ANKRD17: variants seen among roughly 807,000 people sequenced by gnomAD.
The protein encoded by ANKRD17 is ankyrin repeat domain-containing protein 17.
ANKRD17 carries 19 observed loss-of-function variants against 229.7 expected under a neutral mutation model. The ratio of observed to expected loss-of-function variants is 0.08; its 90% CI spans 0.06 to 0.12. The LOEUF (loss-of-function observed/expected upper bound fraction) is 0.12, where lower values mean the gene tolerates loss of function less well. Among genes scored for constraint, ANKRD17 ranks in the 10% least tolerant of loss-of-function variants. The probability of loss-of-function intolerance (pLI) is 1.00; values close to 1 mark genes in which losing one functional copy is unlikely to be tolerated. For missense variants in ANKRD17, 2,176 were observed against 3,176.8 expected (o/e 0.68, Z 7.57); for synonymous variants, 1,112 against 1,146.1 (o/e 0.97, Z 0.60).
At chr4:73,149,083 G>C in intron 7 of ANKRD17, 33 bp from the exon 8 acceptor site, 5 of 1,570,354 alleles carry the variant, frequency 3.2e-6, no homozygotes, top group Non-Finnish European at 4.3e-6. Flanking sequence ...AATTAAATCA[G>C]CACCATTAAA....
At chr4:73,211,167 A>C (rs555869612) in intron 1 of ANKRD17, among the ~76,000 whole-genome samples, 1 of 152,204 alleles carries the variant, frequency 6.6e-6, no homozygotes, top group South Asian at 2.1e-4. Context: ...ATGGTCTCAC[A>C]TTACTTTTAC....
intron 30 of ANKRD17, among the ~76,000 whole-genome samples, chr4:73,082,343 C>A (rs551531052): frequency 2.0e-5 from 3 of 152,098 alleles, no homozygotes; most frequent in African/African-American, 4.8e-5. Flanking sequence ...AAAACATTAG[C>A]TGGGTGCTAT....
At chr4:73,130,929 T>A (rs982230828) in intron 16 of ANKRD17, among the ~76,000 whole-genome samples, 1 of 152,182 alleles carries the variant, frequency 6.6e-6, no homozygotes, top group Non-Finnish European at 1.5e-5. Flanking sequence ...AATCTCTACA[T>A]AATTCCTCAT....
At chr4:73,139,503 A>G in intron 15 of ANKRD17, 28 bp downstream of exon 15, 1 of 1,565,278 alleles carries the variant, frequency 6.4e-7, no homozygotes, top group Non-Finnish European at 8.7e-7. Flanking sequence ...ATCATATTTG[A>G]TACCTGCTCA....
intron 29 of ANKRD17, among the ~76,000 whole-genome samples, chr4:73,088,547 A>G (rs1722444172): frequency 6.6e-6 from 1 of 152,200 alleles, no homozygotes; most frequent in Non-Finnish European, 1.5e-5. Flanking sequence ...TTGGAAAGGT[A>G]AAGTATTAAA....
intron 2 of ANKRD17, among the ~76,000 whole-genome samples, chr4:73,174,651 T>C (rs1454490516): frequency 2.6e-5 from 4 of 152,206 alleles, no homozygotes; most frequent in Non-Finnish European, 4.4e-5. Context: ...TGCTTGCAGA[T>C]AATATAATCT....
intron 1 of ANKRD17, among the ~76,000 whole-genome samples, chr4:73,189,092 T>C (rs979741022): frequency 1.3e-5 from 2 of 152,094 alleles, no homozygotes; most frequent in Non-Finnish European, 2.9e-5. Flanking sequence ...CAAAATTACA[T>C]AGCATTATTA....
intron 14 of ANKRD17, among the ~76,000 whole-genome samples, chr4:73,140,596 G>A (rs752664963): frequency 2.8e-4 from 42 of 152,108 alleles, no homozygotes; most frequent in Non-Finnish European, 3.7e-4. Flanking sequence ...AAGGCTATGT[G>A]TAGATATTTT....
At chr4:73,253,569 C>T (rs898238129) in intron 1 of ANKRD17, among the ~76,000 whole-genome samples, 1 of 152,156 alleles carries the variant, frequency 6.6e-6, no homozygotes, top group Non-Finnish European at 1.5e-5. Flanking sequence ...TTTAAAAACT[C>T]GGCCAAGGTC....
At chr4:73,239,536 A>G (rs1427177502) in intron 1 of ANKRD17, among the ~76,000 whole-genome samples, 2 of 152,172 alleles carry the variant, frequency 1.3e-5, no homozygotes, top group African/African-American at 4.8e-5. Flanking sequence ...TTCAAACAAT[A>G]TTTTTATAAT....
chr4:73,115,177 G>A (rs866725615), intron 23 of ANKRD17, among the ~76,000 whole-genome samples: 1 of 152,114 alleles, frequency 6.6e-6, no homozygotes, highest in Non-Finnish European at 1.5e-5. Context: ...CTCAATATAG[G>A]TATCAGTCTG....
chr4:73,222,246 A>G (rs1220744782), intron 1 of ANKRD17, among the ~76,000 whole-genome samples: 1 of 152,182 alleles, frequency 6.6e-6, no homozygotes, highest in Non-Finnish European at 1.5e-5. Flanking sequence ...TTCAATGCCA[A>G]AAGCAATTAT....
At chr4:73,193,577 G>A (rs1315701566) in intron 1 of ANKRD17, among the ~76,000 whole-genome samples, 2 of 152,058 alleles carry the variant, frequency 1.3e-5, no homozygotes, top group Admixed American at 6.5e-5. Context: ...AATTAATGGT[G>A]TTGAACACCT....
chr4:73,094,697 A>G (rs1723114330), intron 27 of ANKRD17, among the ~76,000 whole-genome samples: 1 of 148,170 alleles, frequency 6.7e-6, no homozygotes, highest in South Asian at 2.1e-4. Context: ...ATATGTATAT[A>G]CGTATAATAT....
rs1560484343 is a variant in ANKRD17, at chr4:73,076,273, C to T, written c.7770G>A (p.Trp2590Ter). 1 of 1,609,984 alleles carries T rather than the reference C, an allele frequency of 6.2e-7. No individual in the cohort carries two copies. Among genetic ancestry groups the T allele is most frequent in the Non-Finnish European group, 8.5e-7 (1 of 1,178,168 alleles). Residue 2590 changes from tryptophan (W) to a stop codon, truncating the protein, a stop_gained, in exon 34 of 34, where the codon TGG becomes TGA. Transcript: ENST00000358602. LOFTEE classifies it high-confidence loss of function. ...TATGCACACTGTTCATGTGAGGTGC[C>T]CAGGGTCCAGTCCACACCTATGAAT... ...NGPQTVWTGPWAPHMNSVHMN... is the reference protein window; with the variant it reads ...NGPQTVWTGP
intron 15 of ANKRD17, among the ~76,000 whole-genome samples, chr4:73,136,620 T>C (rs1283749855): frequency 6.6e-6 from 1 of 152,134 alleles, no homozygotes; most frequent in Non-Finnish European, 1.5e-5. Context: ...CATATACTAA[T>C]ATATTAAATT....
chr4:73,216,541 G>A (rs1337448113), intron 1 of ANKRD17, among the ~76,000 whole-genome samples: 1 of 152,146 alleles, frequency 6.6e-6, no homozygotes, highest in Non-Finnish European at 1.5e-5. Flanking sequence ...ACAGTTAAGG[G>A]TTAACTATGT....
intron 29 of ANKRD17, among the ~76,000 whole-genome samples, chr4:73,089,119 C>T (rs1157211976): frequency 6.7e-6 from 1 of 150,374 alleles, no homozygotes; most frequent in Non-Finnish European, 1.5e-5. Context: ...CTCACTGTAA[C>T]ATCTGCCTCT....
At chr4:73,184,275 T>C (rs1479802280) in intron 1 of ANKRD17, among the ~76,000 whole-genome samples, 1 of 152,156 alleles carries the variant, frequency 6.6e-6, no homozygotes, top group African/African-American at 2.4e-5. Flanking sequence ...TCACGCCTAA[T>C]CCCAGCATTT....
Sources: allele counts gnomAD v4.1 joint callset (sites outside exome capture counted in the v4.1 genomes callset), GRCh38; gene constraint gnomAD v4.1.1; transcripts MANE v1.5; gene names NCBI Gene and HGNC (gene_info 2026-07-23, HGNC 2026-07-21).